SMOC2: variants seen among roughly 807,000 people sequenced by gnomAD.
SMOC2 encodes SPARC related modular calcium binding 2.
In SMOC2, 39 loss-of-function variants were observed where a neutral mutation model predicts 61.4. The observed-to-expected ratio is 0.64, with a 90% confidence interval of 0.49 to 0.83. The LOEUF (loss-of-function observed/expected upper bound fraction) is 0.83, where lower values mean the gene tolerates loss of function less well. SMOC2 is among the 40% of genes least tolerant of loss of function. The pLI, the probability that SMOC2 is intolerant of heterozygous loss-of-function variation, is 0.00. For missense variants in SMOC2, 556 were observed against 592.9 expected, an observed-to-expected ratio of 0.94 and a Z score of 0.65; for synonymous variants, 247 against 239.9, an observed-to-expected ratio of 1.03 and a Z score of -0.27.
intron 2 of SMOC2, among the ~76,000 whole-genome samples, chr6:168,517,137 G>A (rs1158531837): frequency 6.6e-6 from 1 of 152,188 alleles, no homozygotes; most frequent in African/African-American, 2.4e-5. Context: ...TCGTGTCAGC[G>A]CTTCCCTGGA....
At chr6:168,515,965 C>T (rs1338537780) in intron 2 of SMOC2, among the ~76,000 whole-genome samples, 1 of 152,334 alleles carries the variant, frequency 6.6e-6, no homozygotes, top group East Asian at 1.9e-4. Context: ...TCCAGGTTTT[C>T]TCTACGTGAT....
chr6:168,471,624 G>A (rs1311136407), intron 1 of SMOC2, among the ~76,000 whole-genome samples: 1 of 152,074 alleles, frequency 6.6e-6, no homozygotes, highest in Non-Finnish European at 1.5e-5. Flanking sequence ...AGAAACCACC[G>A]TATTATTTTC....
intron 1 of SMOC2, among the ~76,000 whole-genome samples, chr6:168,488,880 CT>C (rs1408263497): frequency 3.5e-5 from 5 of 142,676 alleles, no homozygotes; most frequent in Non-Finnish European, 6.3e-5. Context: ...ATCAAATCGT[CT>C]GGGTCCCCTT....
chr6:168,599,113 C>CAT, intron 8 of SMOC2, 109 bp downstream of exon 8: 1 of 963,928 alleles, frequency 1.0e-6, no homozygotes, highest in Non-Finnish European at 1.5e-6. Context: ...CACAGTCACA[C>CAT]ACACACTCAC....
At chr6:168,642,232 A>G (rs951957561) in intron 9 of SMOC2, among the ~76,000 whole-genome samples, 1 of 152,228 alleles carries the variant, frequency 6.6e-6, no homozygotes, top group African/African-American at 2.4e-5. Flanking sequence ...ACGGACAGAA[A>G]AAAGGAAAGT....
chr6:168,508,926 T>C (rs1033601793), intron 1 of SMOC2, among the ~76,000 whole-genome samples: 6 of 152,210 alleles, frequency 3.9e-5, no homozygotes, highest in Admixed American at 3.3e-4. Flanking sequence ...GGGCAGGTGA[T>C]AGTCTGGGGA....
chr6:168,565,929 C>T (rs993759521), intron 7 of SMOC2, among the ~76,000 whole-genome samples: 1 of 152,192 alleles, frequency 6.6e-6, no homozygotes, highest in Non-Finnish European at 1.5e-5. Context: ...AGTGAAATTT[C>T]TCCCAGTGTG....
chr6:168,591,001 G>A (rs1032923527), intron 7 of SMOC2, among the ~76,000 whole-genome samples: 1 of 152,156 alleles, frequency 6.6e-6, no homozygotes. Context: ...AAGTAAATTG[G>A]AATGGGAATC....
chr6:168,599,688 ACTCT>A (rs201691846), intron 8 of SMOC2, among the ~76,000 whole-genome samples: 6 of 122,854 alleles, frequency 4.9e-5, no homozygotes, highest in African/African-American at 1.9e-4. Flanking sequence ...ACACTCTCAC[ACTCT>A]CACACACACA....
chr6:168,474,554 C>CCCTG (rs2115016896), intron 1 of SMOC2, among the ~76,000 whole-genome samples: 1 of 152,250 alleles, frequency 6.6e-6, no homozygotes, highest in Admixed American at 6.5e-5. Context: ...GCCGCTATGT[C>CCCTG]CCTGCCTTTA....
intron 2 of SMOC2, among the ~76,000 whole-genome samples, chr6:168,516,033 A>C (rs2763238): frequency 0.89 from 136,134 of 152,212 alleles, 61,790 homozygotes; most frequent in East Asian, 0.98. Flanking sequence ...TATGAGGCTG[A>C]GGCTGTCTTT....
At chr6:168,541,111 T>C (rs540834666) in intron 4 of SMOC2, among the ~76,000 whole-genome samples, 1 of 152,214 alleles carries the variant, frequency 6.6e-6, no homozygotes, top group Non-Finnish European at 1.5e-5. Context: ...CCGGAGACGT[T>C]TCCTCACATT....
intron 9 of SMOC2, among the ~76,000 whole-genome samples, chr6:168,642,014 G>A (rs931592106): frequency 5.3e-5 from 8 of 152,220 alleles, no homozygotes; most frequent in Non-Finnish European, 1.2e-4. Context: ...CTTTTCAGCT[G>A]AAGATTGTGA....
At chr6:168,526,892 A>G (rs1043974546) in intron 3 of SMOC2, among the ~76,000 whole-genome samples, 1 of 152,182 alleles carries the variant, frequency 6.6e-6, no homozygotes, top group African/African-American at 2.4e-5. Context: ...GCCCACAGAC[A>G]TGGAGCTGAG....
intron 7 of SMOC2, among the ~76,000 whole-genome samples, chr6:168,597,564 A>G (rs1785364636): frequency 1.3e-5 from 2 of 152,370 alleles, no homozygotes; most frequent in East Asian, 3.9e-4. Flanking sequence ...AGCAGCTCTT[A>G]TCAGCTTCCT....
chr6:168,604,451 C>T (rs1439275461), intron 8 of SMOC2, among the ~76,000 whole-genome samples: 1 of 152,146 alleles, frequency 6.6e-6, no homozygotes, highest in African/African-American at 2.4e-5. Context: ...GCCAGCTTCA[C>T]CATTCCTCAT....
At chr6:168,456,519 C>T (rs1216537782) in intron 1 of SMOC2, among the ~76,000 whole-genome samples, 1 of 152,224 alleles carries the variant, frequency 6.6e-6, no homozygotes, top group African/African-American at 2.4e-5. Flanking sequence ...GGGTCTCTCA[C>T]GGAGACTCCC....
intron 1 of SMOC2, among the ~76,000 whole-genome samples, chr6:168,447,841 A>AT (rs1781364040): frequency 6.6e-6 from 1 of 152,110 alleles, no homozygotes; most frequent in African/African-American, 2.4e-5. Flanking sequence ...AAAAAAAAAA[A>AT]AAAAAATGCT....
intron 2 of SMOC2, among the ~76,000 whole-genome samples, chr6:168,518,999 A>C (rs979854110): frequency 6.8e-6 from 1 of 146,540 alleles, no homozygotes; most frequent in Non-Finnish European, 1.5e-5. Context: ...GTATGCGTGC[A>C]TGTGTGAGTA....
Sources: allele counts gnomAD v4.1 joint callset (sites outside exome capture counted in the v4.1 genomes callset), GRCh38; gene constraint gnomAD v4.1.1; transcripts MANE v1.5; gene names NCBI Gene and HGNC (gene_info 2026-07-23, HGNC 2026-07-21).